Variants in PLBD2 observed in about 807,000 individuals in gnomAD.
The protein encoded by PLBD2 is phospholipase B domain containing 2, also known as putative aminopeptidase PLBD2.
PLBD2 carries 51 observed loss-of-function variants against 68.3 expected under a neutral mutation model. The ratio of observed to expected loss-of-function variants is 0.75; its 90% CI spans 0.60 to 0.94. The LOEUF (loss-of-function observed/expected upper bound fraction) is 0.94. PLBD2 is among the 40% of genes least tolerant of loss of function. PLBD2 has a pLI of 0.00. For missense variants in PLBD2, 729 were observed against 792.2 expected (o/e 0.92, Z 0.96); for synonymous variants, 314 against 339.3 (o/e 0.93, Z 0.82).
In PLBD2 at chr12:113,379,767, G is replaced by T. The variant is rs919296570; in HGVS notation, c.860-978G>T. Among the ~76,000 whole-genome samples the T allele has an allele frequency of 2.6e-5, 4 of 151,356 alleles. No homozygotes were observed. The South Asian group carries it at 6.3e-4, about 24-fold the overall frequency. On this transcript the variant is annotated intron_variant, in intron 5 of 11. Transcript: ENST00000280800. ...GTGGAGGTTGCAGTGAGCTGAGATC[G>T]CCCCATTGCACTCCAGCCTGGGCAA...
chr12:113,375,765 C>T (rs1022392459), intron 5 of PLBD2, among the ~76,000 whole-genome samples: 2 of 152,154 alleles, frequency 1.3e-5, no homozygotes, highest in Admixed American at 6.5e-5. Flanking sequence ...GGTCTTTCAT[C>T]ATCAGTAGGT....
rs773348718 is a variant in PLBD2, at chr12:113,387,073, A to G, written c.1423A>G (p.Met475Val). 30 of 1,596,928 alleles carry G rather than the reference A, an allele frequency of 1.9e-5. No individual in the cohort carries two copies. The highest frequency in any genetic ancestry group is 2.3e-5 in the South Asian group (2 of 88,264). The change falls in exon 10 of 12, where the codon ATG (methionine) becomes GTG (valine). Residue 475 changes from methionine to valine, a missense_variant. By Grantham distance (21) the Met-to-Val change is conservative. Transcript: ENST00000280800. ...GTCACTGGTACAAGACATGGACTCC[A>G]TGGTCAGGCTGATGAGGTAGGTGCC... The part of the protein sequence containing the change: ...NQSLVQDMDS[M>V]VRLMRYNDFL...
chr12:113,384,887 G>A lies in PLBD2; in HGVS notation c.1155G>A (p.Ala385=), dbSNP rs372096370. Residue 385 remains alanine (A), a synonymous_variant, in exon 8 of 12, where the codon GCG becomes GCA. Transcript: ENST00000280800. The surrounding 1 kb of genome is among the most constrained non-coding windows in gnomAD (Gnocchi z 4.2). ...AGTGGATGATCGTGGACTACAAGGCGTTCATCCCGGGTGGGCCCAGCCCCG... is the reference window on the plus strand; with the variant it reads ...AGTGGATGATCGTGGACTACAAGGCATTCATCCCGGGTGGGCCCAGCCCCG... ...NNQWMIVDYK[A]FIPGGPSPGS... is the part of the protein sequence containing the mutation. 2.0e-5 allele frequency: 31 copies of A among 1,566,806 alleles called. No homozygotes were observed. In the Admixed American group the frequency reaches 2.6e-4, roughly 13 times the overall value.
intron 6 of PLBD2, among the ~76,000 whole-genome samples, chr12:113,382,872 T>TTG: frequency 7.4e-6 from 1 of 135,990 alleles, no homozygotes; most frequent in East Asian, 2.0e-4. Flanking sequence ...TGTGTGTTTT[T>TTG]TTTTTTTTTT....
At chr12:113,366,936 C>T (rs934713218) in intron 1 of PLBD2, among the ~76,000 whole-genome samples, 6 of 152,296 alleles carry the variant, frequency 3.9e-5, no homozygotes, top group Admixed American at 3.9e-4. Flanking sequence ...TCTCCTGCCT[C>T]AGGCTCCTGA....
intron 5 of PLBD2, 105 bp downstream of exon 5, chr12:113,375,112 G>T: frequency 1.0e-6 from 1 of 1,004,210 alleles, no homozygotes; most frequent in Non-Finnish European, 1.5e-6. Context: ...AACACACGGA[G>T]TCACTGCAGG....
At chr12:113,382,193 G>T (rs1273619937) in intron 6 of PLBD2, among the ~76,000 whole-genome samples, 1 of 152,130 alleles carries the variant, frequency 6.6e-6, no homozygotes, top group Non-Finnish European at 1.5e-5. Context: ...GTGAAATATG[G>T]TTATCAAAAT....
At chr12:113,380,134 T>G (rs1957472764) in intron 5 of PLBD2, among the ~76,000 whole-genome samples, 1 of 152,146 alleles carries the variant, frequency 6.6e-6, no homozygotes, top group Admixed American at 6.5e-5. Context: ...TTCTTTTATT[T>G]ATTTATTTAT....
At chr12:113,364,854 ACT>A (rs530310141) in intron 1 of PLBD2, among the ~76,000 whole-genome samples, 510 of 152,064 alleles carry the variant, frequency 3.4e-3, no homozygotes, top group Non-Finnish European at 5.1e-3. Context: ...AGGGGGAGTC[ACT>A]CTGCCCATTT....
At chr12:113,363,713 A>T (rs1386862478) in intron 1 of PLBD2, among the ~76,000 whole-genome samples, 1 of 151,520 alleles carries the variant, frequency 6.6e-6, no homozygotes, top group African/African-American at 2.4e-5. Context: ...AATTTTTTGT[A>T]TTTTTAGTAG....
intron 1 of PLBD2, among the ~76,000 whole-genome samples, chr12:113,367,036 G>A (rs1957348034): frequency 1.3e-5 from 2 of 152,078 alleles, no homozygotes; most frequent in Admixed American, 1.3e-4. Flanking sequence ...GGCCAGGCTG[G>A]TCTCAAATTT....
chr12:113,380,638 C>T, intron 5 of PLBD2, 107 bp from the exon 6 acceptor site: 1 of 853,124 alleles, frequency 1.2e-6, no homozygotes, highest in Non-Finnish European at 1.9e-6. Context: ...TGGGGGCTTC[C>T]TCGGAGGCCT....
intron 1 of PLBD2, among the ~76,000 whole-genome samples, chr12:113,361,657 G>T (rs987201439): frequency 1.3e-5 from 2 of 151,922 alleles, no homozygotes; most frequent in Non-Finnish European, 2.9e-5. Flanking sequence ...CCTTCTTTCA[G>T]TTGTGCCATA....
intron 1 of PLBD2, chr12:113,359,531 C>A (rs1340647327): frequency 6.6e-6 from 1 of 152,292 alleles, no homozygotes; most frequent in Non-Finnish European, 1.5e-5. Context: ...TGGCTGGATG[C>A]CGTGTTTGGC....
At chr12:113,367,596 C>CA (rs1319838299) in intron 1 of PLBD2, among the ~76,000 whole-genome samples, 1 of 149,902 alleles carries the variant, frequency 6.7e-6, no homozygotes, top group Non-Finnish European at 1.5e-5. Flanking sequence ...CAAAAAATAC[C>CA]AAAATTAGCT....
At position 113,372,934 on chromosome 12, in the gene PLBD2, C is replaced by T. The variant is rs534444468; in HGVS notation, c.543+127C>T. 7 of 1,107,182 alleles carry T rather than the reference C, an allele frequency of 6.3e-6. No individual in the cohort carries two copies. The highest frequency in any genetic ancestry group is 8.9e-6 in the Non-Finnish European group (7 of 785,584). 68.6% of individuals were successfully genotyped at this position (1,107,182 alleles called of 1,614,324 possible). Reference sequence around the variant, plus strand: ...CCGCCTCTGTTTCCATCATCATCTCCATCCCTCCTAGCCGACCTGCCACTC... The same window carrying T: ...CCGCCTCTGTTTCCATCATCATCTCTATCCCTCCTAGCCGACCTGCCACTC... On this transcript the variant is annotated intron_variant, in intron 3 of 11. Transcript: ENST00000280800. This position sits in a 1 kb window ranked among gnomAD's most constrained non-coding sequence, Gnocchi z 4.2.
chr12:113,372,790 T>G lies in PLBD2; in HGVS notation c.526T>G (p.Ser176Ala), dbSNP rs1302635385. 6.2e-7 allele frequency: 1 copy of G among 1,613,306 alleles called. No homozygotes were observed. Among genetic ancestry groups the G allele is most frequent in the African/African-American group, 1.3e-5 (1 of 74,894 alleles). Residue 176 changes from serine to alanine, a missense_variant, in exon 3 of 12, where the codon TCA (serine) becomes GCA (alanine). By Grantham distance (99) the Ser-to-Ala change is moderately conservative. Coordinates refer to ENST00000280800, the MANE Select transcript of PLBD2 (RefSeq NM_173542.4). The surrounding 1 kb of genome is among the most constrained non-coding windows in gnomAD (Gnocchi z 4.2). Reference sequence around the variant, plus strand: ...GGAAGAGATGGAGTCAAACCCAGACTCACCTTACTGGCACCAGGTGAGTCC... The same window carrying G: ...GGAAGAGATGGAGTCAAACCCAGACGCACCTTACTGGCACCAGGTGAGTCC... ...MQEEMESNPD[S>A]PYWHQVRLTL...
intron 5 of PLBD2, among the ~76,000 whole-genome samples, chr12:113,380,206 G>A (rs1957474053): frequency 6.6e-6 from 1 of 151,890 alleles, no homozygotes; most frequent in Non-Finnish European, 1.5e-5. Context: ...GCGCGATCTC[G>A]GCTCGCTGCA....
chr12:113,372,636 C>A lies in PLBD2; in HGVS notation c.385-13C>A. 6.2e-7 allele frequency: 1 copy of A among 1,611,352 alleles called. No individual in the cohort carries two copies. The highest frequency in any genetic ancestry group is 1.1e-5 in the South Asian group (1 of 90,966). On this transcript the variant is annotated splice_polypyrimidine_tract_variant and intron_variant, in intron 2 of 11. Transcript: ENST00000280800. The surrounding 1 kb of genome is among the most constrained non-coding windows in gnomAD (Gnocchi z 4.2). ...GCTGCCCGCCCTTGCCTCGCCCACC[C>A]CCTACCCCACAGCTCATCTACATGC...
Sources: allele counts gnomAD v4.1 joint callset (sites outside exome capture counted in the v4.1 genomes callset), GRCh38; gene constraint gnomAD v4.1.1; non-coding constraint Gnocchi (gnomAD v3.1); transcripts MANE v1.5; gene names NCBI Gene and HGNC (gene_info 2026-07-23, HGNC 2026-07-21).